The following MGAT5 variants were observed in gnomAD, a reference collection of about 807,000 sequenced individuals.
The protein encoded by MGAT5 is alpha-1,6-mannosylglycoprotein 6-beta-N-acetylglucosaminyltransferase A.
MGAT5 carries 30 observed loss-of-function variants against 94.3 expected under a neutral mutation model. The ratio of observed to expected loss-of-function variants is 0.32; its 90% CI spans 0.24 to 0.43. The LOEUF is 0.43. MGAT5 is among the 20% of genes least tolerant of loss of function. The probability of loss-of-function intolerance (pLI) is 1.00; values close to 1 mark genes in which losing one functional copy is unlikely to be tolerated. For missense variants in MGAT5, 691 were observed against 905.5 expected, an observed-to-expected ratio of 0.76 and a Z score of 3.04; for synonymous variants, 310 against 322.9, an observed-to-expected ratio of 0.96 and a Z score of 0.43.
rs192874293 is a variant in MGAT5 at position 134,267,870 on chromosome 2, T to C, written c.242-2516T>C. 4.6e-5 allele frequency among the ~76,000 whole-genome samples: 7 copies of C among 152,348 alleles called. 1 individual carries two copies. Among genetic ancestry groups the C allele is most frequent in the Admixed American group, 2.0e-4 (3 of 15,302 alleles). On this transcript the variant is annotated intron_variant, in intron 1 of 15. Coordinates refer to ENST00000281923, the MANE Select transcript of MGAT5 (RefSeq NM_002410.5). ...TCACACATGATGCAGGTTCATTCAGTAGGCATTTCCTATCCTGTAACCTCT... is the reference window on the plus strand; with the variant it reads ...TCACACATGATGCAGGTTCATTCAGCAGGCATTTCCTATCCTGTAACCTCT...
chr2:134,393,544 C>T (rs762140950), intron 10 of MGAT5, among the ~76,000 whole-genome samples: 27 of 152,134 alleles, frequency 1.8e-4, no homozygotes, highest in Non-Finnish European at 1.5e-5. Flanking sequence ...TGTCATCCCC[C>T]GTGCAGACAA....
intron 2 of MGAT5, among the ~76,000 whole-genome samples, chr2:134,300,548 C>T (rs1001473062): frequency 6.6e-6 from 1 of 152,158 alleles, no homozygotes; most frequent in Non-Finnish European, 1.5e-5. Context: ...CCTAAATGCA[C>T]TCAGTGACAG....
chr2:134,173,798 C>T (rs976781379), intron 1 of MGAT5, among the ~76,000 whole-genome samples: 3 of 152,180 alleles, frequency 2.0e-5, no homozygotes, highest in Non-Finnish European at 2.9e-5. Flanking sequence ...ATTTATAACT[C>T]GAAAGCCATA....
At chr2:134,319,177 C>T (rs62168006) in intron 4 of MGAT5, among the ~76,000 whole-genome samples, 21,936 of 151,960 alleles carry the variant, frequency 0.14, 1,731 homozygotes, top group Middle Eastern at 0.35. Flanking sequence ...GGAAATATAC[C>T]CAGAAGTGAA....
At chr2:134,297,196 C>CAAAAAAAAAAAA (rs143685303) in intron 2 of MGAT5, among the ~76,000 whole-genome samples, 1 of 100,480 alleles carries the variant, frequency 1.0e-5, no homozygotes, top group Non-Finnish European at 2.0e-5. Context: ...GACCTGGTCT[C>CAAAAAAAAAAAA]AAAAAAAAAA....
intron 1 of MGAT5, among the ~76,000 whole-genome samples, chr2:134,181,464 G>A (rs1284619486): frequency 3.9e-5 from 6 of 152,038 alleles, no homozygotes; most frequent in Non-Finnish European, 8.8e-5. Context: ...TGGGGCAACG[G>A]AAAAGGTCCT....
chr2:134,139,623 G>C (rs1426889425), intron 1 of MGAT5, among the ~76,000 whole-genome samples: 1 of 152,112 alleles, frequency 6.6e-6, no homozygotes, highest in African/African-American at 2.4e-5. Flanking sequence ...GCCATGAAAA[G>C]GAATGAAAAA....
At chr2:134,436,233 G>A (rs1183058903) in intron 14 of MGAT5, among the ~76,000 whole-genome samples, 1 of 152,168 alleles carries the variant, frequency 6.6e-6, no homozygotes, top group South Asian at 2.1e-4. Context: ...CCCACAGCTG[G>A]GAGCCAGAAT....
chr2:134,232,553 A>G (rs2105401839), intron 1 of MGAT5, among the ~76,000 whole-genome samples: 1 of 152,326 alleles, frequency 6.6e-6, no homozygotes, highest in East Asian at 1.9e-4. Context: ...AAATAATTTC[A>G]CAGGAAGTTG....
intron 1 of MGAT5, among the ~76,000 whole-genome samples, chr2:134,129,291 C>G (rs1488945584): frequency 1.3e-5 from 2 of 152,196 alleles, no homozygotes; most frequent in East Asian, 3.9e-4. Flanking sequence ...CACTGATACT[C>G]TCACCAAGCT....
In MGAT5 at chr2:134,254,428, T is replaced by C. The variant is rs751005506; in HGVS notation, c.25T>C (p.Leu9=). ...AATGGCTCTCTTCACTCCGTGGAAG[T>C]TGTCCTCTCAGAAGCTGGGCTTTTT... MALFTPWK[L]SSQKLGFFLV... The change falls in exon 1 of 16, where the codon TTG becomes CTG. Residue 9 remains leucine, a synonymous_variant. Coordinates refer to ENST00000281923, the MANE Select transcript of MGAT5 (RefSeq NM_002410.5). 8.7e-6 allele frequency: 14 copies of C among 1,614,092 alleles called. No homozygotes were observed. The highest frequency in any genetic ancestry group is 2.7e-5 in the African/African-American group (2 of 74,930).
At chr2:134,376,951 C>G (rs1681220723) in intron 10 of MGAT5, among the ~76,000 whole-genome samples, 1 of 152,204 alleles carries the variant, frequency 6.6e-6, no homozygotes, top group African/African-American at 2.4e-5. Context: ...CTGCCCAGAT[C>G]CTTTCACCTA....
chr2:134,353,570 T>C (rs1301397103), intron 9 of MGAT5, among the ~76,000 whole-genome samples: 1 of 152,204 alleles, frequency 6.6e-6, no homozygotes. Flanking sequence ...AATTCAGCTT[T>C]GATCATGCCT....
intron 8 of MGAT5, among the ~76,000 whole-genome samples, chr2:134,346,190 A>C (rs1360112137): frequency 2.0e-5 from 3 of 152,192 alleles, no homozygotes; most frequent in Non-Finnish European, 2.9e-5. Flanking sequence ...TCTACACGGT[A>C]TAGGCTTCCC....
At chr2:134,360,770 A>T (rs1459287553) in intron 9 of MGAT5, among the ~76,000 whole-genome samples, 1 of 152,234 alleles carries the variant, frequency 6.6e-6, no homozygotes, top group Non-Finnish European at 1.5e-5. Flanking sequence ...AGGAGAATTT[A>T]TTCAGTAATT....
chr2:134,384,818 A>T (rs1398278192), intron 10 of MGAT5, among the ~76,000 whole-genome samples: 1 of 152,264 alleles, frequency 6.6e-6, no homozygotes. Flanking sequence ...TAAAAATGGT[A>T]GAGTGAAAAC....
intron 2 of MGAT5, among the ~76,000 whole-genome samples, chr2:134,276,672 C>T (rs1221109807): frequency 6.6e-6 from 1 of 152,070 alleles, no homozygotes; most frequent in Non-Finnish European, 1.5e-5. Flanking sequence ...TGGGCCGTGG[C>T]AGTTGATGAG....
At chr2:134,307,414 C>G (rs1421118310) in intron 2 of MGAT5, among the ~76,000 whole-genome samples, 2 of 152,066 alleles carry the variant, frequency 1.3e-5, no homozygotes, top group African/African-American at 4.8e-5. Flanking sequence ...CTTTCATTCC[C>G]CTTTTCCTCT....
chr2:134,158,826 C>T (rs910824088), intron 1 of MGAT5, among the ~76,000 whole-genome samples: 6 of 152,180 alleles, frequency 3.9e-5, no homozygotes, highest in African/African-American at 1.4e-4. Context: ...TTATTCTTAC[C>T]CCTTCTCTTC....
Sources: allele counts gnomAD v4.1 joint callset (sites outside exome capture counted in the v4.1 genomes callset), GRCh38; gene constraint gnomAD v4.1.1; transcripts MANE v1.5; gene names NCBI Gene and HGNC (gene_info 2026-07-23, HGNC 2026-07-21).